DTNB: variants seen among roughly 807,000 people sequenced by gnomAD.
The protein encoded by DTNB is dystrobrevin beta.
In DTNB, 63 loss-of-function variants were observed where a neutral mutation model predicts 90.7. The ratio of observed to expected loss-of-function variants is 0.69; its 90% CI spans 0.57 to 0.86. The LOEUF is 0.86. Ranked by LOEUF, DTNB falls within the 40% of genes least tolerant of loss-of-function variation. The pLI, the probability that DTNB is intolerant of heterozygous loss-of-function variation, is 0.00. For missense variants in DTNB, 744 were observed against 807.1 expected (o/e 0.92, Z 0.95); for synonymous variants, 277 against 286.7 (o/e 0.97, Z 0.34).
At chr2:25,539,068 T>C (rs1376455038) in intron 8 of DTNB, among the ~76,000 whole-genome samples, 4 of 152,262 alleles carry the variant, frequency 2.6e-5, no homozygotes, top group African/African-American at 4.8e-5. Context: ...TTCTGATGGA[T>C]GTAATTGCAA....
chr2:25,438,676 G>T (rs984185165), intron 12 of DTNB, among the ~76,000 whole-genome samples: 1 of 152,228 alleles, frequency 6.6e-6, no homozygotes, highest in Non-Finnish European at 1.5e-5. Flanking sequence ...TCAAGGAGGT[G>T]AAGCCTAACT....
intron 8 of DTNB, among the ~76,000 whole-genome samples, chr2:25,549,082 T>C (rs926966531): frequency 3.3e-5 from 5 of 152,052 alleles, no homozygotes; most frequent in African/African-American, 7.2e-5. Context: ...ATATATGTAA[T>C]AATATTTATT....
At chr2:25,582,768 G>T (rs2061741469) in intron 6 of DTNB, among the ~76,000 whole-genome samples, 1 of 152,124 alleles carries the variant, frequency 6.6e-6, no homozygotes, top group African/African-American at 2.4e-5. Flanking sequence ...CTAAATAAAG[G>T]TTACCCTAAG....
At chr2:25,393,422 G>A (rs1355114337) in intron 16 of DTNB, among the ~76,000 whole-genome samples, 3 of 152,036 alleles carry the variant, frequency 2.0e-5, no homozygotes, top group African/African-American at 7.2e-5. Context: ...CATCCAAATC[G>A]GTAAAGAGGA....
At chr2:25,639,354 T>C (rs891863698) in intron 2 of DTNB, 5 of 305,146 alleles carry the variant, frequency 1.6e-5, no homozygotes, top group East Asian at 1.1e-4. Context: ...GGAACACTTA[T>C]GAGGTGAGTG....
Position 25,387,411 on chromosome 2 carries a change from G to A in DTNB, c.1736-33C>T. 2.5e-6 allele frequency: 4 copies of A among 1,600,086 alleles called. No individual in the cohort carries two copies. Among genetic ancestry groups the A allele is most frequent in the Non-Finnish European group, 3.4e-6 (4 of 1,169,296 alleles). ...GAGGCAGAGCAGATGGGGATGCCAG[G>A]GTGGGTGAGCGTGGAGAAGAGACGG... On this transcript the variant is annotated intron_variant, in intron 17 of 20. Coordinates refer to ENST00000406818, the MANE Select transcript of DTNB (RefSeq NM_021907.5). The surrounding 1 kb of genome is among the most constrained non-coding windows in gnomAD (Gnocchi z 4.5).
intron 8 of DTNB, among the ~76,000 whole-genome samples, chr2:25,538,022 G>A (rs637519): frequency 0.27 from 41,696 of 152,018 alleles, 6,333 homozygotes; most frequent in East Asian, 0.51. Flanking sequence ...TTTAAATACC[G>A]TAATCCCCTT....
chr2:25,475,157 G>A (rs183526008), intron 10 of DTNB, among the ~76,000 whole-genome samples: 10 of 152,274 alleles, frequency 6.6e-5, no homozygotes, highest in East Asian at 5.8e-4. Context: ...AAAGCATGTC[G>A]AAAGCCAACA....
intron 8 of DTNB, among the ~76,000 whole-genome samples, chr2:25,544,764 A>G (rs1479931495): frequency 3.3e-5 from 5 of 152,216 alleles, no homozygotes; most frequent in Non-Finnish European, 1.5e-5. Context: ...GCACCTTATT[A>G]TAAGCTCACC....
At chr2:25,594,216 G>A (rs768570284) in intron 6 of DTNB, among the ~76,000 whole-genome samples, 16 of 152,036 alleles carry the variant, frequency 1.1e-4, no homozygotes, top group South Asian at 2.1e-4. Context: ...ATGCATATTC[G>A]GGGGGGAAAA....
chr2:25,426,399 T>A (rs1421183147), intron 15 of DTNB, among the ~76,000 whole-genome samples: 1 of 152,250 alleles, frequency 6.6e-6, no homozygotes, highest in Non-Finnish European at 1.5e-5. Flanking sequence ...TACAATTTCA[T>A]GGTATAAATA....
intron 9 of DTNB, among the ~76,000 whole-genome samples, chr2:25,511,077 T>G (rs2073839255): frequency 6.6e-6 from 1 of 152,228 alleles, no homozygotes; most frequent in Non-Finnish European, 1.5e-5. Context: ...TTATGTTTCC[T>G]ACCTGACAAC....
At position 25,494,985 on chromosome 2, in the gene DTNB, A is replaced by C. The variant is rs544744295; in HGVS notation, c.1002-12112T>G. Among the ~76,000 whole-genome samples, 16 of 152,146 alleles carry C rather than the reference A, an allele frequency of 1.1e-4. No homozygotes were observed. The South Asian group carries it at 1.2e-3, about 12-fold the overall frequency. On this transcript the variant is annotated intron_variant, in intron 9 of 20. Transcript: ENST00000406818. ...CTTACTTAAAGATTAACTTTCTTCC[A>C]AAGAAAAGTGTCAAATGACAGTGCT...
chr2:25,461,403 C>T (rs2060929124), intron 10 of DTNB, among the ~76,000 whole-genome samples: 1 of 152,178 alleles, frequency 6.6e-6, no homozygotes, highest in African/African-American at 2.4e-5. Flanking sequence ...AAAATTTAAA[C>T]TCTTTCCTTT....
At chr2:25,599,315 C>G (rs2065314072) in intron 5 of DTNB, among the ~76,000 whole-genome samples, 1 of 151,128 alleles carries the variant, frequency 6.6e-6, no homozygotes, top group African/African-American at 2.4e-5. Flanking sequence ...TTACACTTAG[C>G]TTTGAACATT....
chr2:25,623,264 C>A (rs1230901496), intron 4 of DTNB, among the ~76,000 whole-genome samples: 2 of 152,182 alleles, frequency 1.3e-5, no homozygotes, highest in East Asian at 1.9e-4. Context: ...ACTGAAGTTA[C>A]CAAATGCAGG....
chr2:25,604,579 T>A (rs2066665580), intron 5 of DTNB, among the ~76,000 whole-genome samples: 1 of 152,042 alleles, frequency 6.6e-6, no homozygotes, highest in East Asian at 1.9e-4. Flanking sequence ...ACTAACTTTT[T>A]AAATTACTTT....
intron 16 of DTNB, chr2:25,419,113 C>T: frequency 4.8e-6 from 1 of 210,010 alleles, no homozygotes. Context: ...CTATAGTTAG[C>T]AAAAGAAGTC....
At chr2:25,567,860 T>C (rs1200349688) in intron 8 of DTNB, among the ~76,000 whole-genome samples, 1 of 152,102 alleles carries the variant, frequency 6.6e-6, no homozygotes, top group African/African-American at 2.4e-5. Flanking sequence ...TCCTTGCATA[T>C]CAAGAAAGGC....
Sources: allele counts gnomAD v4.1 joint callset (sites outside exome capture counted in the v4.1 genomes callset), GRCh38; gene constraint gnomAD v4.1.1; non-coding constraint Gnocchi (gnomAD v3.1); transcripts MANE v1.5; gene names NCBI Gene and HGNC (gene_info 2026-07-23, HGNC 2026-07-21).